The following PSTK variants were observed in gnomAD, a reference collection of about 807,000 sequenced individuals.
PSTK encodes the protein L-seryl-tRNA(Sec) kinase.
A neutral mutation model predicts 38.6 loss-of-function variants in PSTK; 26 were observed. The observed-to-expected ratio is 0.67, with a 90% CI of 0.49 to 0.94. PSTK has a LOEUF of 0.94. PSTK is among the 40% of genes least tolerant of loss of function. PSTK has a pLI of 0.00. For synonymous variants in PSTK, 181 were observed against 161.7 expected, an observed-to-expected ratio of 1.12 and a Z score of -0.91; for missense variants, 445 against 436.3, an observed-to-expected ratio of 1.02 and a Z score of -0.18.
chr10:122,988,943 CAT>C (rs757203551), intron 5 of PSTK, among the ~76,000 whole-genome samples: 2 of 152,094 alleles, frequency 1.3e-5, no homozygotes, highest in Non-Finnish European at 2.9e-5. Flanking sequence ...AAATAACCCA[CAT>C]GTCCGTCAGC....
intron 5 of PSTK, among the ~76,000 whole-genome samples, chr10:122,989,472 GAACGCCC>G (rs1849091186): frequency 6.6e-6 from 1 of 152,088 alleles, no homozygotes. Context: ...GTCTGGTCTC[GAACGCCC>G]GACCTCAGGT....
chr10:122,982,629 G>A (rs547003510), intron 1 of PSTK, 104 bp from the exon 2 acceptor site: 48 of 893,964 alleles, frequency 5.4e-5, no homozygotes, highest in Non-Finnish European at 3.7e-5. Flanking sequence ...AGATGGTTCC[G>A]TATTGTGAGC....
At chr10:122,985,791 CT>C (rs1408408489) in intron 3 of PSTK, 1 of 152,220 alleles carries the variant, frequency 6.6e-6, no homozygotes, top group East Asian at 1.9e-4. Flanking sequence ...TTGTTTTGAG[CT>C]ACTGCATTTG....
intron 1 of PSTK, chr10:122,982,341 C>T (rs186797645): frequency 5.9e-4 from 61 of 102,782 alleles, no homozygotes; most frequent in Admixed American, 2.1e-3. Flanking sequence ...ATTTAATATA[C>T]ATTTCTGGAG....
intron 5 of PSTK, chr10:122,987,261 A>G: frequency 6.6e-7 from 1 of 1,524,484 alleles, no homozygotes; most frequent in Non-Finnish European, 8.9e-7. Flanking sequence ...TTACATGAGT[A>G]TATGCCCATG....
intron 3 of PSTK, chr10:122,984,322 G>A (rs988439158): frequency 2.0e-5 from 3 of 152,158 alleles, no homozygotes; most frequent in Middle Eastern, 3.4e-3. Flanking sequence ...GTAGTGACAG[G>A]GTCTCACTAT....
At chr10:122,988,376 T>C (rs969491235) in intron 5 of PSTK, among the ~76,000 whole-genome samples, 1 of 151,856 alleles carries the variant, frequency 6.6e-6, no homozygotes, top group Non-Finnish European at 1.5e-5. Flanking sequence ...AACATACAGA[T>C]AGAGAGAGAG....
At chr10:122,987,199 G>C in intron 5 of PSTK, 8 of 1,271,722 alleles carry the variant, frequency 6.3e-6, no homozygotes, top group Non-Finnish European at 8.7e-6. Context: ...TCTAGATGCT[G>C]GGGAATCGGC....
At chr10:122,986,499 C>A in intron 4 of PSTK, 124 bp downstream of exon 4, 1 of 731,094 alleles carries the variant, frequency 1.4e-6, no homozygotes, top group Non-Finnish European at 2.4e-6. Context: ...GGCCTCTCAC[C>A]AGCACTCACT....
At chr10:122,987,654 C>A in intron 5 of PSTK, 1 of 1,246,024 alleles carries the variant, frequency 8.0e-7, no homozygotes, top group Non-Finnish European at 1.1e-6. Flanking sequence ...GTTTTGAATA[C>A]TGTATTGCTA....
intron 5 of PSTK, among the ~76,000 whole-genome samples, chr10:122,989,336 C>G (rs1233629435): frequency 6.6e-6 from 1 of 152,122 alleles, no homozygotes; most frequent in African/African-American, 2.4e-5. Flanking sequence ...ACTGCAACCT[C>G]CACCTCCCGG....
chr10:122,988,904 C>G (rs973607603), intron 5 of PSTK, among the ~76,000 whole-genome samples: 1 of 152,086 alleles, frequency 6.6e-6, no homozygotes, highest in African/African-American at 2.4e-5. Flanking sequence ...ATGTTAATGG[C>G]AGCATTATTC....
intron 1 of PSTK, chr10:122,982,495 G>A: frequency 1.9e-6 from 1 of 521,424 alleles, no homozygotes; most frequent in Non-Finnish European, 3.4e-6. Context: ...CAAGGGAGAG[G>A]CTGAGCTGCC....
intron 4 of PSTK, 122 bp from the exon 5 acceptor site, chr10:122,986,747 T>TTC: frequency 1.5e-6 from 1 of 653,304 alleles, no homozygotes; most frequent in Non-Finnish European, 2.6e-6. Flanking sequence ...TAGGGAAGAA[T>TTC]AACAAACAGA....
chr10:122,987,272 C>T (rs1849047940), intron 5 of PSTK: 6 of 1,549,522 alleles, frequency 3.9e-6, no homozygotes, highest in Non-Finnish European at 5.2e-6. Flanking sequence ...TATGCCCATG[C>T]TCTGAAGAAA....
rs978202835 is a variant in PSTK at position 122,983,397 on chromosome 10, C to T, written c.634C>T (p.Pro212Ser). 1.9e-6 allele frequency: 3 copies of T among 1,614,060 alleles called. No individual in the cohort carries two copies. The highest frequency in any genetic ancestry group is 2.5e-6 in the Non-Finnish European group (3 of 1,180,040). ...IHLMGRKLEKPNPEKNAWEHN... is the reference protein window; with the variant it reads ...IHLMGRKLEKSNPEKNAWEHN... ...CCTGATGGGAAGAAAGCTAGAAAAG[C>T]CCAACCCTGAGAAAAATGCTTGGGA... The change falls in exon 3 of 6, where the codon CCC becomes TCC. Residue 212 changes from proline (P) to serine (S), a missense_variant. Coordinates refer to ENST00000406217, the MANE Select transcript of PSTK (RefSeq NM_001363531.2).
Position 122,983,171 on chromosome 10 carries a change from GT to G in PSTK, c.509-96del. ...CTAGATGTTCAGTATTGCAAACGGA[GT>G]TTTTCCTACTATAATTGTCATAATT... On this transcript the variant is annotated intron_variant, in intron 2 of 5. Transcript: ENST00000406217. 5 of 1,250,698 alleles carry G rather than the reference GT, an allele frequency of 4.0e-6. No individual in the cohort carries two copies. The South Asian group carries it at 4.6e-5, about 11-fold the overall frequency. The allele number at this position is 1,250,698 out of a possible 1,614,324, so 77.5% of individuals were successfully genotyped here. A position where few individuals can be genotyped will look rare whatever the true frequency, so the allele number is the denominator to read the frequency against.
intron 3 of PSTK, chr10:122,984,985 C>T (rs1428617517): frequency 1.3e-5 from 2 of 152,210 alleles, no homozygotes; most frequent in Non-Finnish European, 2.9e-5. Flanking sequence ...CGCACTCACT[C>T]CAGAACCTGG....
intron 1 of PSTK, 123 bp from the exon 2 acceptor site, chr10:122,982,608 TAG>T (rs1848975787): frequency 2.8e-6 from 2 of 725,624 alleles, no homozygotes; most frequent in East Asian, 2.6e-5. Context: ...CCAGGTGTGT[TAG>T]AGAACTACAG....
Sources: gnomAD v4.1 joint callset for allele counts (sites outside exome capture counted in the v4.1 genomes callset) on GRCh38, gnomAD v4.1.1 for gene constraint, MANE v1.5 for transcripts, NCBI Gene and HGNC (gene_info 2026-07-23, HGNC 2026-07-21) for gene names.